Variants in SHANK2 observed in about 807,000 individuals in gnomAD.
SHANK2 encodes the protein SH3 and multiple ankyrin repeat domains 2, also known as SH3 and multiple ankyrin repeat domains protein 2.
A neutral mutation model predicts 133.7 loss-of-function variants in SHANK2; 43 were observed. The observed-to-expected ratio is 0.32, with a 90% CI of 0.25 to 0.41. SHANK2 has a LOEUF of 0.41. Ranked by LOEUF, SHANK2 falls within the 10% of genes least tolerant of loss-of-function variation. The pLI is 1.00. For synonymous variants in SHANK2, 1,017 were observed against 952.8 expected, an observed-to-expected ratio of 1.07 and a Z score of -1.24; for missense variants, 1,994 against 2,235.8, an observed-to-expected ratio of 0.89 and a Z score of 2.18.
At chr11:70,527,675 T>C (rs2000602) in intron 17 of SHANK2, among the ~76,000 whole-genome samples, 134,134 of 152,298 alleles carry the variant, frequency 0.88, 59,377 homozygotes, top group Non-Finnish European at 0.9. Context: ...CCCAAATCTC[T>C]CTGGCCATTC....
At position 71,223,247 on chromosome 11, in the gene SHANK2, G is replaced by A. The variant is rs1298000822; in HGVS notation, c.-13+1450C>T. Among the ~76,000 whole-genome samples the A allele has an allele frequency of 5.3e-5, 8 of 152,304 alleles. No individual in the cohort carries two copies. The South Asian group carries it at 1.2e-3, about 24-fold the overall frequency. On this transcript the variant is annotated intron_variant, in intron 2 of 25. Coordinates refer to ENST00000601538, the MANE Select transcript of SHANK2 (RefSeq NM_012309.5). Reference sequence around the variant, plus strand: ...TAGTCCTGCATGGGGCCGTGACTCCGACATTCTGCTCCTGCCTGCCGCGTT... The same window carrying A: ...TAGTCCTGCATGGGGCCGTGACTCCAACATTCTGCTCCTGCCTGCCGCGTT...
At chr11:70,526,900 G>A (rs1554972263) in intron 17 of SHANK2, among the ~76,000 whole-genome samples, 1 of 151,758 alleles carries the variant, frequency 6.6e-6, no homozygotes, top group African/African-American at 2.4e-5. Flanking sequence ...TCTCCTCCCT[G>A]TACCGGCCCC....
intron 1 of SHANK2, among the ~76,000 whole-genome samples, chr11:71,244,862 C>G (rs781788648): frequency 7.2e-5 from 11 of 152,102 alleles, no homozygotes; most frequent in Non-Finnish European, 1.2e-4. Flanking sequence ...CCCCACTGTG[C>G]CTGGCTAATT....
chr11:70,755,248 T>C (rs1293892334), intron 14 of SHANK2, among the ~76,000 whole-genome samples: 1 of 152,166 alleles, frequency 6.6e-6, no homozygotes, highest in Non-Finnish European at 1.5e-5. Flanking sequence ...ATTTTTGCAT[T>C]TGTAGTAGAG....
At position 71,080,300 on chromosome 11, in the gene SHANK2, C is replaced by T. The variant is rs928018428; in HGVS notation, c.913-5025G>A. Among the ~76,000 whole-genome samples, 71 of 152,276 alleles carry T rather than the reference C, an allele frequency of 4.7e-4. 1 individual carries two copies. Among genetic ancestry groups the T allele is most frequent in the Admixed American group, 1.7e-3 (26 of 15,306 alleles). On this transcript the variant is annotated intron_variant, in intron 8 of 25. Coordinates refer to ENST00000601538, the MANE Select transcript of SHANK2 (RefSeq NM_012309.5). ...AGGGGCACCTGGAGATGGCTCCCCT[C>T]GAGACTGTTTGCCCCAGCGATGCCT...
At chr11:71,184,970 T>C (rs540760573) in intron 2 of SHANK2, among the ~76,000 whole-genome samples, 41 of 152,254 alleles carry the variant, frequency 2.7e-4, no homozygotes, top group Admixed American at 6.5e-4. Flanking sequence ...GCAGAGGCCA[T>C]CTCTGCATAC....
intron 8 of SHANK2, among the ~76,000 whole-genome samples, chr11:71,086,173 ATAT>A (rs1951408411): frequency 8.1e-5 from 1 of 12,314 alleles, no homozygotes; most frequent in Non-Finnish European, 2.2e-4. Flanking sequence ...ATTATATAAT[ATAT>A]TATGTTATAT....
chr11:70,848,601 A>G (rs1286564249), intron 11 of SHANK2, among the ~76,000 whole-genome samples: 1 of 152,246 alleles, frequency 6.6e-6, no homozygotes, highest in Non-Finnish European at 1.5e-5. Context: ...CTGAGGGTCC[A>G]GGAAGGAAGT....
chr11:71,083,651 A>T lies in SHANK2; in HGVS notation c.913-8376T>A, dbSNP rs1951332086. On this transcript the variant is annotated intron_variant, in intron 8 of 25. Coordinates refer to ENST00000601538, the MANE Select transcript of SHANK2 (RefSeq NM_012309.5). Reference sequence around the variant, plus strand: ...AGGGAGAGAGCCAGGCTTTGCCCCAAGGAAGGTACCGGGGTTCAGCACATG... The same window carrying T: ...AGGGAGAGAGCCAGGCTTTGCCCCATGGAAGGTACCGGGGTTCAGCACATG... Among the ~76,000 whole-genome samples the T allele has an allele frequency of 4.6e-5, 7 of 152,292 alleles. No individual in the cohort carries two copies. In the South Asian group the frequency reaches 1.2e-3, roughly 27 times the overall value.
At chr11:70,894,092 T>C (rs1949895635) in intron 11 of SHANK2, among the ~76,000 whole-genome samples, 2 of 152,370 alleles carry the variant, frequency 1.3e-5, no homozygotes, top group South Asian at 4.1e-4. Flanking sequence ...TTCATAATTA[T>C]ATCCCAAAAC....
chr11:70,788,206 A>G (rs1947711396), intron 14 of SHANK2, among the ~76,000 whole-genome samples: 1 of 152,146 alleles, frequency 6.6e-6, no homozygotes, highest in Non-Finnish European at 1.5e-5. Context: ...GCCATTGTGG[A>G]TGAGGACTTT....
intron 9 of SHANK2, among the ~76,000 whole-genome samples, chr11:71,066,807 A>G (rs1951068902): frequency 6.6e-6 from 1 of 152,096 alleles, no homozygotes. Flanking sequence ...CAGGGCTGGA[A>G]CCTGGTCCCT....
At chr11:70,615,430 C>T (rs868913691) in intron 17 of SHANK2, among the ~76,000 whole-genome samples, 6 of 152,204 alleles carry the variant, frequency 3.9e-5, no homozygotes, top group Middle Eastern at 6.8e-3. Flanking sequence ...TGAGCTCTGT[C>T]CCAGTCTTCC....
intron 6 of SHANK2, among the ~76,000 whole-genome samples, chr11:71,108,920 G>A (rs1951843175): frequency 6.6e-6 from 1 of 151,158 alleles, no homozygotes; most frequent in Non-Finnish European, 1.5e-5. Context: ...TGTGCAGGCT[G>A]AATCCACACC....
chr11:70,498,317 CTGTTGCCAGT>C (rs2059001779), intron 21 of SHANK2, among the ~76,000 whole-genome samples: 1 of 152,274 alleles, frequency 6.6e-6, no homozygotes, highest in Non-Finnish European at 1.5e-5. Context: ...GAAGCAGCGG[CTGTTGCCAGT>C]TGGCCGGCCT....
chr11:70,610,053 G>A (rs985247988), intron 17 of SHANK2, among the ~76,000 whole-genome samples: 1 of 151,750 alleles, frequency 6.6e-6, no homozygotes, highest in Non-Finnish European at 1.5e-5. Context: ...CCAGGGAGGG[G>A]TGAGGGGAGC....
intron 17 of SHANK2, among the ~76,000 whole-genome samples, chr11:70,613,386 G>A (rs2060690361): frequency 6.6e-6 from 1 of 152,026 alleles, no homozygotes; most frequent in African/African-American, 2.4e-5. Flanking sequence ...TGTATTTTTA[G>A]TAGAGACAGG....
chr11:70,679,420 A>G (rs1234130168), intron 15 of SHANK2, among the ~76,000 whole-genome samples: 1 of 152,156 alleles, frequency 6.6e-6, no homozygotes, highest in Non-Finnish European at 1.5e-5. Context: ...TCCCCGGACC[A>G]TCAGGGAGGT....
Position 70,731,041 on chromosome 11 carries a change from C to T in SHANK2, c.1778-32278G>A, listed in dbSNP as rs781889270. 3.8e-4 allele frequency among the ~76,000 whole-genome samples: 58 copies of T among 152,102 alleles called. 1 individual carries two copies. Among genetic ancestry groups the T allele is most frequent in the Non-Finnish European group, 7.1e-4 (48 of 68,036 alleles). ...GACTAACCTGTGTGCCCGCAACACA[C>T]ATATGTTGAAGCCCCAACGCCTAAT... On this transcript the variant is annotated intron_variant, in intron 14 of 25. Coordinates refer to ENST00000601538, the MANE Select transcript of SHANK2 (RefSeq NM_012309.5).
Sources: allele counts gnomAD v4.1 joint callset (sites outside exome capture counted in the v4.1 genomes callset), GRCh38; gene constraint gnomAD v4.1.1; transcripts MANE v1.5; gene names NCBI Gene and HGNC (gene_info 2026-07-23, HGNC 2026-07-21).